DNAAF11: variants seen among roughly 807,000 people sequenced by gnomAD.
The protein encoded by DNAAF11 is dynein axonemal assembly factor 11.
A neutral mutation model predicts 60.8 loss-of-function variants in DNAAF11; 45 were observed. The observed-to-expected ratio is 0.74, with a 90% CI of 0.58 to 0.95. DNAAF11 has a LOEUF of 0.95. Ranked by LOEUF, DNAAF11 falls within the 40% of genes least tolerant of loss-of-function variation. The probability of loss-of-function intolerance (pLI) is 0.00; values close to 1 mark genes in which losing one functional copy is unlikely to be tolerated. For synonymous variants in DNAAF11, 191 were observed against 183.5 expected, an observed-to-expected ratio of 1.04 and a Z score of -0.33; for missense variants, 546 against 546.2, an observed-to-expected ratio of 1.00 and a Z score of 0.00.
intron 2 of DNAAF11, among the ~76,000 whole-genome samples, chr8:132,657,351 T>C (rs1355293976): frequency 6.6e-6 from 1 of 152,198 alleles, no homozygotes; most frequent in Non-Finnish European, 1.5e-5. Flanking sequence ...AGGGTTCTTA[T>C]CTCTTTTTCC....
At chr8:132,673,271 T>C (rs186364443) in intron 1 of DNAAF11, among the ~76,000 whole-genome samples, 6 of 152,158 alleles carry the variant, frequency 3.9e-5, no homozygotes, top group Admixed American at 1.3e-4. Flanking sequence ...ACCAAAGAAA[T>C]AGAGATGTCA....
At chr8:132,584,994 G>A (rs576277474) in intron 10 of DNAAF11, among the ~76,000 whole-genome samples, 1 of 152,298 alleles carries the variant, frequency 6.6e-6, no homozygotes, top group Non-Finnish European at 1.5e-5. Context: ...AGACAGAAGT[G>A]TTGGGCACTT....
intron 10 of DNAAF11, among the ~76,000 whole-genome samples, chr8:132,592,165 T>C (rs985433004): frequency 6.6e-6 from 1 of 152,176 alleles, no homozygotes; most frequent in African/African-American, 2.4e-5. Flanking sequence ...CTGAACTAGA[T>C]ACAGTTCTTG....
the DNAAF11 span, among the ~76,000 whole-genome samples, chr8:132,689,381 TG>T: frequency 6.6e-6 from 1 of 152,150 alleles, no homozygotes; most frequent in Non-Finnish European, 1.5e-5. Flanking sequence ...TCTGGGGTTT[TG>T]CTTTCTTTGT....
intron 11 of DNAAF11, chr8:132,578,290 A>T: frequency 1.8e-6 from 1 of 549,346 alleles, no homozygotes; most frequent in East Asian, 3.0e-5. Flanking sequence ...GAACTAAATC[A>T]TAATAGAGGA....
At chr8:132,699,089 A>G in the DNAAF11 span, among the ~76,000 whole-genome samples, 7 of 151,356 alleles carry the variant, frequency 4.6e-5, no homozygotes, top group African/African-American at 1.7e-4. Flanking sequence ...AGATCACACC[A>G]CTGCACTCCA....
intron 10 of DNAAF11, among the ~76,000 whole-genome samples, chr8:132,594,547 C>A (rs892723038): frequency 6.6e-6 from 1 of 152,118 alleles, no homozygotes; most frequent in Non-Finnish European, 1.5e-5. Context: ...ATTGTAATCA[C>A]CATGTGTCAA....
intron 1 of DNAAF11, among the ~76,000 whole-genome samples, chr8:132,663,145 C>A (rs67194941): frequency 0.062 from 9,384 of 152,286 alleles, 388 homozygotes; most frequent in South Asian, 0.083. Flanking sequence ...CAGCCCAAAG[C>A]GCCCAGGAAG....
At chr8:132,632,358 A>C (rs1372278901) in intron 5 of DNAAF11, among the ~76,000 whole-genome samples, 2 of 152,230 alleles carry the variant, frequency 1.3e-5, no homozygotes, top group Non-Finnish European at 2.9e-5. Flanking sequence ...TTCAGAAAAT[A>C]GAATGTTTTA....
At chr8:132,608,629 T>C in intron 10 of DNAAF11, 1 of 298,892 alleles carries the variant, frequency 3.3e-6, no homozygotes, top group Non-Finnish European at 7.0e-6. Context: ...TCTTTGGCTT[T>C]CCAGTTAGAA....
chr8:132,586,852 C>A (rs1052231149), intron 10 of DNAAF11, among the ~76,000 whole-genome samples: 4 of 152,126 alleles, frequency 2.6e-5, no homozygotes, highest in Admixed American at 2.6e-4. Context: ...CAGGTGTTGA[C>A]CCCCAGGGCA....
intron 1 of DNAAF11, 82 bp downstream of exon 1, chr8:132,675,402 A>C: frequency 6.9e-7 from 1 of 1,451,280 alleles, no homozygotes; most frequent in South Asian, 1.3e-5. Flanking sequence ...GCAGGGCGGG[A>C]GCGGGCGGCG....
At chr8:132,697,663 G>A in the DNAAF11 span, among the ~76,000 whole-genome samples, 6 of 152,100 alleles carry the variant, frequency 3.9e-5, no homozygotes, top group African/African-American at 1.4e-4. Flanking sequence ...AGAAACTGAT[G>A]GGCCAGAGTA....
At chr8:132,686,011 A>G in the DNAAF11 span, among the ~76,000 whole-genome samples, 1 of 152,212 alleles carries the variant, frequency 6.6e-6, no homozygotes, top group South Asian at 2.1e-4. Context: ...ACTCATTCAG[A>G]GTGAACATAC....
At chr8:132,639,799 G>A (rs558581706) in intron 3 of DNAAF11, among the ~76,000 whole-genome samples, 1 of 151,960 alleles carries the variant, frequency 6.6e-6, no homozygotes, top group Non-Finnish European at 1.5e-5. Context: ...CCATATAGGA[G>A]TTACAGGTTG....
intron 3 of DNAAF11, among the ~76,000 whole-genome samples, chr8:132,641,644 A>AGTT (rs1821867109): frequency 6.6e-6 from 1 of 152,236 alleles, no homozygotes; most frequent in Non-Finnish European, 1.5e-5. Context: ...GGCTCAGGTG[A>AGTT]AAACTAAAGG....
chr8:132,607,173 C>T (rs1039495944), intron 10 of DNAAF11, among the ~76,000 whole-genome samples: 14 of 152,164 alleles, frequency 9.2e-5, no homozygotes, highest in African/African-American at 2.2e-4. Flanking sequence ...ATGATTCCCC[C>T]GTTGCTGGAT....
At chr8:132,608,303 C>T (rs1307318438) in intron 10 of DNAAF11, 1 of 192,586 alleles carries the variant, frequency 5.2e-6, no homozygotes, top group Non-Finnish European at 1.1e-5. Flanking sequence ...ATATATCCCT[C>T]AAGGGAAAAT....
the DNAAF11 span, among the ~76,000 whole-genome samples, chr8:132,686,454 T>A: frequency 2.6e-5 from 4 of 152,172 alleles, no homozygotes; most frequent in South Asian, 2.1e-4. Context: ...ATTCACATCT[T>A]TAAAATATTG....
Sources: gnomAD v4.1 joint callset for allele counts (sites outside exome capture counted in the v4.1 genomes callset) on GRCh38, gnomAD v4.1.1 for gene constraint, MANE v1.5 for transcripts, NCBI Gene and HGNC (gene_info 2026-07-23, HGNC 2026-07-21) for gene names.